The following PSMB2 variants were observed in gnomAD, a reference collection of about 807,000 sequenced individuals.
The protein encoded by PSMB2 is proteasome 20S subunit beta 2.
In PSMB2, 13 loss-of-function variants were observed where a neutral mutation model predicts 25.7. That is an observed-to-expected ratio of 0.51 (90% confidence interval 0.33 to 0.80). The LOEUF (loss-of-function observed/expected upper bound fraction) is 0.80, where lower values mean the gene tolerates loss of function less well. PSMB2 is among the 30% of genes least tolerant of loss of function. The pLI, the probability that PSMB2 is intolerant of heterozygous loss-of-function variation, is 0.02. For synonymous variants in PSMB2, 87 were observed against 96.2 expected (o/e 0.90, Z 0.56); for missense variants, 202 against 259.0 (o/e 0.78, Z 1.51).
chr1:35,605,615 C>T lies in PSMB2; in HGVS notation c.449-333G>A, dbSNP rs546876879. ...TCTTTATCATAACCCACCCCTTTCACTCCCCCTTAGTCCAGGGTTTGAATC... is the reference window on the plus strand; with the variant it reads ...TCTTTATCATAACCCACCCCTTTCATTCCCCCTTAGTCCAGGGTTTGAATC... On this transcript the variant is annotated intron_variant, in intron 4 of 5. Transcript: ENST00000373237. Among the ~76,000 whole-genome samples the T allele has an allele frequency of 4.9e-4, 75 of 152,376 alleles. 1 individual carries two copies. The highest frequency in any genetic ancestry group is 1.8e-3 in the Admixed American group (27 of 15,312).
intron 3 of PSMB2, among the ~76,000 whole-genome samples, chr1:35,616,928 T>A (rs1650507343): frequency 6.6e-6 from 1 of 152,200 alleles, no homozygotes; most frequent in Non-Finnish European, 1.5e-5. Context: ...CCTAAAAAAA[T>A]CTCAAAGATT....
At chr1:35,641,008 T>C (rs1651379063) in intron 1 of PSMB2, among the ~76,000 whole-genome samples, 1 of 150,720 alleles carries the variant, frequency 6.6e-6, no homozygotes, top group Admixed American at 6.6e-5. Context: ...CTGACCAATA[T>C]GGAGAAATCC....
intron 2 of PSMB2, among the ~76,000 whole-genome samples, chr1:35,633,623 T>C (rs1651163396): frequency 6.6e-6 from 1 of 152,226 alleles, no homozygotes; most frequent in South Asian, 2.1e-4. Context: ...TTCAGAAGCA[T>C]TACTGACATA....
chr1:35,636,997 A>G (rs1571143925), intron 1 of PSMB2, among the ~76,000 whole-genome samples: 1 of 152,232 alleles, frequency 6.6e-6, no homozygotes, highest in African/African-American at 2.4e-5. Context: ...GTTGGAGAAT[A>G]TACATGAAAG....
chr1:35,637,024 C>G (rs1651262113), intron 1 of PSMB2, among the ~76,000 whole-genome samples: 1 of 152,066 alleles, frequency 6.6e-6, no homozygotes, highest in Non-Finnish European at 1.5e-5. Context: ...ATTGAAAATA[C>G]AATTTAAAGC....
intron 3 of PSMB2, among the ~76,000 whole-genome samples, chr1:35,628,416 C>T (rs367850093): frequency 1.3e-4 from 20 of 150,986 alleles, no homozygotes; most frequent in African/African-American, 4.9e-4. Context: ...ATTCTTACTC[C>T]GGTTCTGCCT....
At chr1:35,640,392 G>T (rs540938823) in intron 1 of PSMB2, among the ~76,000 whole-genome samples, 1 of 152,110 alleles carries the variant, frequency 6.6e-6, no homozygotes, top group Non-Finnish European at 1.5e-5. Flanking sequence ...GGAAATCTGG[G>T]CACTGCAAAA....
chr1:35,628,627 A>ATTTTTTTTTT (rs1250841351), intron 3 of PSMB2, among the ~76,000 whole-genome samples: 2 of 42,954 alleles, frequency 4.7e-5, no homozygotes, highest in Admixed American at 4.3e-4. Flanking sequence ...ATATATATAT[A>ATTTTTTTTTT]TATATTTTTT....
chr1:35,611,329 T>C (rs1650326065), intron 3 of PSMB2, among the ~76,000 whole-genome samples: 1 of 152,064 alleles, frequency 6.6e-6, no homozygotes, highest in African/African-American at 2.4e-5. Context: ...TCATGGTTTT[T>C]GCTTTTTTTG....
intron 5 of PSMB2, among the ~76,000 whole-genome samples, chr1:35,603,901 G>A (rs958310555): frequency 2.0e-5 from 3 of 151,540 alleles, no homozygotes; most frequent in African/African-American, 7.3e-5. Context: ...TGGGCATGGT[G>A]GTGCCTGTCT....
chr1:35,631,293 G>A lies in PSMB2; in HGVS notation c.266C>T (p.Ala89Val). 6.2e-7 allele frequency: 1 copy of A among 1,614,136 alleles called. No homozygotes were observed. Among genetic ancestry groups the A allele is most frequent in the Non-Finnish European group, 8.5e-7 (1 of 1,179,954 alleles). The change falls in exon 3 of 6, where the codon GCT (alanine) becomes GTT (valine). Residue 89 changes from alanine (A) to valine (V), a missense_variant. Physicochemically the swap from Ala to Val is moderately conservative, Grantham distance 64 (BLOSUM62 0). Coordinates refer to ENST00000373237, the MANE Select transcript of PSMB2 (RefSeq NM_002794.5). ...AAANFTRRNL[A>V]DCLRSRTPYH... ...ACTTACCCGACTCCGAAGACAGTCA[G>A]CCAGGTTTCGGCGTGTGAAGTTAGC...
chr1:35,625,749 G>C (rs1474737016), intron 3 of PSMB2, among the ~76,000 whole-genome samples: 2 of 150,172 alleles, frequency 1.3e-5, no homozygotes, highest in Admixed American at 6.6e-5. Context: ...GTGACACAGT[G>C]AGACTCCGTC....
intron 3 of PSMB2, among the ~76,000 whole-genome samples, chr1:35,626,660 T>C (rs1410926181): frequency 6.6e-6 from 1 of 152,234 alleles, no homozygotes; most frequent in African/African-American, 2.4e-5. Flanking sequence ...ACATAGTATA[T>C]ATGTGCTTTG....
At chr1:35,620,388 T>C (rs1225095384) in intron 3 of PSMB2, among the ~76,000 whole-genome samples, 1 of 152,160 alleles carries the variant, frequency 6.6e-6, no homozygotes, top group Non-Finnish European at 1.5e-5. Flanking sequence ...CTTCCTTCAT[T>C]CTTTCCCCAA....
At chr1:35,629,012 T>C (rs530050825) in intron 3 of PSMB2, among the ~76,000 whole-genome samples, 47 of 152,256 alleles carry the variant, frequency 3.1e-4, no homozygotes, top group African/African-American at 8.9e-4. Flanking sequence ...TATGGCACCA[T>C]TATTTTAGCT....
Position 35,602,085 on chromosome 1 carries a change from C to T in PSMB2, c.*1182G>A. On this transcript the variant is annotated 3_prime_UTR_variant, in exon 6 of 6. Coordinates refer to ENST00000373237, the MANE Select transcript of PSMB2 (RefSeq NM_002794.5). The stretch of plus-strand genomic sequence containing the variant: ...CGGTGGCTCACGCCTGTAATCCCAG[C>T]ACTGGGAAGCCAAGGCAGGCAGACT... 3 of 369,734 alleles carry T rather than the reference C, an allele frequency of 8.1e-6. No homozygotes were observed. Among genetic ancestry groups the T allele is most frequent in the African/African-American group, 2.2e-5 (1 of 45,464 alleles). 22.9% of individuals were successfully genotyped at this position (369,734 alleles called of 1,614,324 possible).
intron 1 of PSMB2, among the ~76,000 whole-genome samples, chr1:35,640,082 A>ATACTATACTATACTGTACTG (rs1557461615): frequency 1.4e-5 from 2 of 146,150 alleles, no homozygotes; most frequent in African/African-American, 5.4e-5. Flanking sequence ...ATACTATACT[A>ATACTATACTATACTGTACTG]TACTATACTA....
intron 3 of PSMB2, among the ~76,000 whole-genome samples, chr1:35,628,079 T>C (rs2148573974): frequency 6.6e-6 from 1 of 152,278 alleles, no homozygotes; most frequent in Non-Finnish European, 1.5e-5. Flanking sequence ...TGACAAACTA[T>C]CATCTCTCTT....
At chr1:35,612,105 G>T (rs79684502) in intron 3 of PSMB2, among the ~76,000 whole-genome samples, 2,794 of 152,312 alleles carry the variant, frequency 0.018, 100 homozygotes, top group African/African-American at 0.063. Flanking sequence ...AGGACAGTGG[G>T]TAGTCCCAGA....
Sources: gnomAD v4.1 joint callset for allele counts (sites outside exome capture counted in the v4.1 genomes callset) on GRCh38, gnomAD v4.1.1 for gene constraint, MANE v1.5 for transcripts, NCBI Gene and HGNC (gene_info 2026-07-23, HGNC 2026-07-21) for gene names.